Variants in CTNNA1 observed in about 807,000 individuals in gnomAD.
CTNNA1 encodes catenin alpha-1.
CTNNA1 carries 37 observed loss-of-function variants against 98.4 expected under a neutral mutation model. The ratio of observed to expected loss-of-function variants is 0.38; its 90% CI spans 0.29 to 0.49. The LOEUF is 0.49. Ranked by LOEUF, CTNNA1 falls within the 20% of genes least tolerant of loss-of-function variation. The pLI, the probability that CTNNA1 is intolerant of heterozygous loss-of-function variation, is 0.95. For synonymous variants in CTNNA1, 404 were observed against 413.2 expected (o/e 0.98, Z 0.27); for missense variants, 761 against 1,147.2 (o/e 0.66, Z 4.86).
intron 13 of CTNNA1, among the ~76,000 whole-genome samples, chr5:138,926,042 C>G (rs1763952438): frequency 6.6e-6 from 1 of 152,198 alleles, no homozygotes; most frequent in African/African-American, 2.4e-5. Context: ...CCCTGGGCCT[C>G]TCAGTTTCTT....
At chr5:138,798,540 G>A (rs370601987) in intron 3 of CTNNA1, among the ~76,000 whole-genome samples, 11 of 152,042 alleles carry the variant, frequency 7.2e-5, no homozygotes, top group East Asian at 5.8e-4. Flanking sequence ...TCCTTTCCCC[G>A]TAACTTTATA....
intron 7 of CTNNA1, among the ~76,000 whole-genome samples, chr5:138,864,452 A>G (rs751403542): frequency 5.3e-5 from 8 of 152,224 alleles, no homozygotes; most frequent in Admixed American, 5.2e-4. Flanking sequence ...CTTAGATCTT[A>G]TCAGAATAAT....
intron 7 of CTNNA1, among the ~76,000 whole-genome samples, chr5:138,877,808 C>T (rs1398480366): frequency 6.6e-6 from 1 of 152,106 alleles, no homozygotes; most frequent in African/African-American, 2.4e-5. Flanking sequence ...AAGTCAGCTA[C>T]CCTCTGATGA....
At chr5:138,811,406 G>C (rs1483207412) in intron 4 of CTNNA1, among the ~76,000 whole-genome samples, 1 of 109,400 alleles carries the variant, frequency 9.1e-6, no homozygotes, top group Non-Finnish European at 2.0e-5. Flanking sequence ...GATGGCGGCC[G>C]GGCAGAGACG....
intron 7 of CTNNA1, among the ~76,000 whole-genome samples, chr5:138,835,609 C>T (rs553981917): frequency 3.3e-5 from 5 of 152,022 alleles, no homozygotes; most frequent in South Asian, 2.1e-4. Context: ...TTTTTGACAG[C>T]GGCATTTATT....
At chr5:138,876,605 C>G (rs73790375) in intron 7 of CTNNA1, among the ~76,000 whole-genome samples, 5,591 of 152,298 alleles carry the variant, frequency 0.037, 280 homozygotes, top group African/African-American at 0.12. Flanking sequence ...TTGGCACTTA[C>G]CCTTTGTGGG....
chr5:138,934,209 C>A lies in CTNNA1; in HGVS notation c.*120C>A. 2 of 722,992 alleles carry A rather than the reference C, an allele frequency of 2.8e-6. No homozygotes were observed. The highest frequency in any genetic ancestry group is 4.5e-6 in the Non-Finnish European group (2 of 445,108). The allele number at this position is 722,992 out of a possible 1,614,324, so 44.8% of individuals were successfully genotyped here. A position where few individuals can be genotyped will look rare whatever the true frequency, so the allele number is the denominator to read the frequency against. On this transcript the variant is annotated 3_prime_UTR_variant, in exon 18 of 18. Coordinates refer to ENST00000302763, the MANE Select transcript of CTNNA1 (RefSeq NM_001903.5). The stretch of plus-strand genomic sequence containing the variant: ...TAGATTCCACAGGGAAATGGGCAGA[C>A]TGAACCAGTCCAGGTGGTGAATTTT...
intron 7 of CTNNA1, among the ~76,000 whole-genome samples, chr5:138,862,325 T>TAGATGTGATAGACTTA (rs1359374993): frequency 1.3e-5 from 2 of 152,182 alleles, no homozygotes; most frequent in Non-Finnish European, 2.9e-5. Context: ...CTTCCTAAAT[T>TAGATGTGATAGACTTA]AGATGTGATA....
chr5:138,902,670 C>T (rs541344126), intron 9 of CTNNA1, among the ~76,000 whole-genome samples: 13 of 152,330 alleles, frequency 8.5e-5, no homozygotes, highest in East Asian at 1.9e-4. Flanking sequence ...CCGCCCGCCT[C>T]GGCCTCCCAA....
intron 3 of CTNNA1, among the ~76,000 whole-genome samples, chr5:138,809,036 G>C (rs1758402021): frequency 1.3e-5 from 2 of 152,130 alleles, no homozygotes; most frequent in African/African-American, 4.8e-5. Flanking sequence ...CCACGCTAGA[G>C]TGCAGTGGTG....
chr5:138,905,740 A>T (rs1215877569), intron 10 of CTNNA1, among the ~76,000 whole-genome samples: 1 of 152,150 alleles, frequency 6.6e-6, no homozygotes, highest in Non-Finnish European at 1.5e-5. Flanking sequence ...AGAAGAGCTG[A>T]GTTTGTTTGT....
rs1249812403 is a variant in CTNNA1 at position 138,811,362 on chromosome 5, G to A, written c.469-821G>A. Among the ~76,000 whole-genome samples the A allele has an allele frequency of 1.3e-4, 17 of 127,384 alleles. No homozygotes were observed. The East Asian group carries it at 3.1e-3, about 23-fold the overall frequency. 83.6% of individuals were successfully genotyped at this position (127,384 alleles called of 152,430 possible). A position where few individuals can be genotyped will look rare whatever the true frequency, so the allele number is the denominator to read the frequency against. On this transcript the variant is annotated intron_variant, in intron 4 of 17. Transcript: ENST00000302763. ...CTCCTCACTTCCTAGGTGGGATGGC[G>A]GCCGGGAAGAGGCGCTCCTCACTTC...
chr5:138,788,322 A>C (rs1319954802), intron 3 of CTNNA1, among the ~76,000 whole-genome samples: 1 of 152,204 alleles, frequency 6.6e-6, no homozygotes, highest in East Asian at 1.9e-4. Context: ...CGAGAAGTAC[A>C]GTAAGAGAAA....
At chr5:138,906,232 A>T (rs886264078) in intron 10 of CTNNA1, among the ~76,000 whole-genome samples, 1 of 152,156 alleles carries the variant, frequency 6.6e-6, no homozygotes, top group African/African-American at 2.4e-5. Flanking sequence ...ATCATCTGAT[A>T]GACATTTTCC....
chr5:138,848,250 T>G (rs1467487456), intron 7 of CTNNA1, among the ~76,000 whole-genome samples: 1 of 152,258 alleles, frequency 6.6e-6, no homozygotes, highest in African/African-American at 2.4e-5. Context: ...GGGATGATAA[T>G]GGTGCCTATG....
intron 13 of CTNNA1, among the ~76,000 whole-genome samples, chr5:138,927,411 T>TTGC (rs1421875206): frequency 6.6e-6 from 1 of 152,188 alleles, no homozygotes; most frequent in Non-Finnish European, 1.5e-5. Flanking sequence ...TGTGGCCTCC[T>TTGC]TGCTATTCAC....
intron 10 of CTNNA1, among the ~76,000 whole-genome samples, chr5:138,917,512 T>C (rs1435443437): frequency 6.7e-6 from 1 of 149,446 alleles, no homozygotes; most frequent in African/African-American, 2.4e-5. Flanking sequence ...CTTGCCACCA[T>C]GAATGAAGCT....
chr5:138,814,077 G>T (rs945637058), intron 5 of CTNNA1, among the ~76,000 whole-genome samples: 1 of 152,216 alleles, frequency 6.6e-6, no homozygotes, highest in Non-Finnish European at 1.5e-5. Flanking sequence ...GCACTAAGAA[G>T]GCCCTTCTCA....
chr5:138,867,743 CTTTCT>C (rs1456656807), intron 7 of CTNNA1, among the ~76,000 whole-genome samples: 2 of 143,696 alleles, frequency 1.4e-5, no homozygotes, highest in African/African-American at 5.3e-5. Context: ...GATTTTCTTT[CTTTCT>C]TTTTTTTTTT....
Sources: allele counts gnomAD v4.1 joint callset (sites outside exome capture counted in the v4.1 genomes callset), GRCh38; gene constraint gnomAD v4.1.1; transcripts MANE v1.5; gene names NCBI Gene and HGNC (gene_info 2026-07-23, HGNC 2026-07-21).